The following DDX1 variants were observed in gnomAD, a reference collection of about 807,000 sequenced individuals.
The protein encoded by DDX1 is DEAD-box helicase 1, also known as ATP-dependent RNA helicase DDX1.
A neutral mutation model predicts 108.7 loss-of-function variants in DDX1; 28 were observed. The ratio of observed to expected loss-of-function variants is 0.26; its 90% CI spans 0.19 to 0.35. The LOEUF is 0.35. Among genes scored for constraint, DDX1 ranks in the 10% least tolerant of loss-of-function variants. The pLI is 1.00. For synonymous variants in DDX1, 295 were observed against 288.9 expected, an observed-to-expected ratio of 1.02 and a Z score of -0.21; for missense variants, 710 against 884.5, an observed-to-expected ratio of 0.80 and a Z score of 2.50.
chr2:15,604,985 G>A (rs1395235142), intron 10 of DDX1, among the ~76,000 whole-genome samples: 5 of 152,176 alleles, frequency 3.3e-5, no homozygotes, highest in African/African-American at 9.7e-5. Context: ...GAGTCACAGC[G>A]AGGAAGCCAC....
chr2:15,611,561 G>A (rs1357639432), intron 13 of DDX1, among the ~76,000 whole-genome samples: 2 of 135,190 alleles, frequency 1.5e-5, no homozygotes, highest in African/African-American at 2.9e-5. Context: ...CCGGGCGGGG[G>A]GCTGACCCCC....
intron 15 of DDX1, among the ~76,000 whole-genome samples, chr2:15,617,564 T>G (rs1048403051): frequency 6.6e-6 from 1 of 152,176 alleles, no homozygotes; most frequent in Admixed American, 6.5e-5. Context: ...AAATGTAATG[T>G]CATAAGTATT....
At chr2:15,601,780 C>T (rs1443402619) in intron 6 of DDX1, among the ~76,000 whole-genome samples, 5 of 152,188 alleles carry the variant, frequency 3.3e-5, no homozygotes, top group Admixed American at 3.3e-4. Context: ...TGTTGAGGTG[C>T]TTAACAGTTT....
intron 6 of DDX1, among the ~76,000 whole-genome samples, chr2:15,600,296 G>C (rs988956487): frequency 2.0e-5 from 3 of 152,186 alleles, no homozygotes; most frequent in African/African-American, 7.2e-5. Context: ...AGCCATCTGT[G>C]ATTGTTCCAT....
At chr2:15,608,442 G>A (rs10183860) in intron 13 of DDX1, among the ~76,000 whole-genome samples, 1 of 151,442 alleles carries the variant, frequency 6.6e-6, no homozygotes, top group Non-Finnish European at 1.5e-5. Flanking sequence ...CATGAGAATT[G>A]CTTGAACCCA....
intron 1 of DDX1, among the ~76,000 whole-genome samples, chr2:15,594,348 TTAAAA>T (rs1263912981): frequency 1.3e-5 from 2 of 152,172 alleles, no homozygotes; most frequent in African/African-American, 4.8e-5. Flanking sequence ...AAATACAGAC[TTAAAA>T]TAAAAATCAC....
intron 9 of DDX1, 120 bp from the exon 10 acceptor site, chr2:15,604,317 C>T: frequency 1.5e-6 from 1 of 685,408 alleles, no homozygotes; most frequent in Non-Finnish European, 2.5e-6. Flanking sequence ...GTCATATGCT[C>T]TAATAGGCAT....
At position 15,627,121 on chromosome 2, in the gene DDX1, A is replaced by G; in HGVS notation, c.1662A>G (p.Arg554=). 1.2e-6 allele frequency: 2 copies of G among 1,610,016 alleles called. No individual in the cohort carries two copies. Among genetic ancestry groups the G allele is most frequent in the Non-Finnish European group, 1.7e-6 (2 of 1,177,144 alleles). Residue 554 remains arginine (R), a synonymous_variant, in exon 20 of 26, where the codon AGA becomes AGG. Transcript: ENST00000233084. ...CLHGDRKPHE[R]KQNLERFKKG... is the part of the protein sequence containing the mutation. Reference sequence around the variant, plus strand: ...ATGGTGACAGAAAGCCTCATGAGAGAAAGCAAAACTTGGAAAGATTTAAGG... The same window carrying G: ...ATGGTGACAGAAAGCCTCATGAGAGGAAGCAAAACTTGGAAAGATTTAAGG...
chr2:15,629,594 A>G lies in DDX1; in HGVS notation c.1876-8A>G. ...TGCATGTTAATATTTTTTCCTTTTT[A>G]AATTTAGGTTTGGTACCATGTATGT... On this transcript the variant is annotated splice_region_variant and splice_polypyrimidine_tract_variant and intron_variant, in intron 23 of 25. Transcript: ENST00000233084. 6.3e-7 allele frequency: 1 copy of G among 1,580,586 alleles called. No homozygotes were observed. Among genetic ancestry groups the G allele is most frequent in the Non-Finnish European group, 8.6e-7 (1 of 1,167,694 alleles).
In DDX1 at chr2:15,630,808, G is replaced by T. The variant is rs779421358; in HGVS notation, c.2125G>T (p.Ala709Ser). Residue 709 changes from alanine (A) to serine (S), a missense_variant, in exon 26 of 26, where the codon GCA (alanine) becomes TCA (serine). By Grantham distance (99) the Ala-to-Ser change is moderately conservative. This residue lies in a region of DDX1 where 661 missense variants were observed against 810.2 expected (regional missense o/e 0.82). Transcript: ENST00000233084. ...GSYKGHVDIL[A>S]PTVQELAALE... is the part of the protein sequence containing the mutation. ...CTATAAAGGCCATGTGGATATTTTG[G>T]CACCTACTGTTCAAGAGTTGGCTGC... 10 of 1,613,906 alleles carry T rather than the reference G, an allele frequency of 6.2e-6. No individual in the cohort carries two copies. Among genetic ancestry groups the T allele is most frequent in the Non-Finnish European group, 6.8e-6 (8 of 1,179,834 alleles).
intron 7 of DDX1, 82 bp downstream of exon 7, chr2:15,602,713 G>A: frequency 8.9e-7 from 1 of 1,124,492 alleles, no homozygotes; most frequent in Non-Finnish European, 1.3e-6. Flanking sequence ...TTGTTTGTTT[G>A]TTTTTGAGAT....
Position 15,602,711 on chromosome 2 carries a change from T to C in DDX1, c.391+80T>C, listed in dbSNP as rs111675198. The stretch of plus-strand genomic sequence containing the variant: ...TGAGGGTTTTTTTGTTGTTGTTTGT[T>C]TGTTTTTGAGATGGAGTCTCGCACG... On this transcript the variant is annotated intron_variant, in intron 7 of 25. Coordinates refer to ENST00000233084, the MANE Select transcript of DDX1 (RefSeq NM_004939.3). 3.5e-4 allele frequency: 411 copies of C among 1,163,010 alleles called. 2 individuals carry two copies. Among genetic ancestry groups the C allele is most frequent in the Admixed American group, 3.3e-4 (18 of 54,646 alleles). 72.0% of individuals were successfully genotyped at this position (1,163,010 alleles called of 1,614,324 possible).
intron 1 of DDX1, 105 bp downstream of exon 1, chr2:15,592,054 G>C: frequency 9.2e-7 from 1 of 1,085,526 alleles, no homozygotes; most frequent in Non-Finnish European, 1.2e-6. Context: ...AGGGGTCAGG[G>C]AGACAGAAGG....
At chr2:15,603,704 C>T (rs1665621813) in intron 8 of DDX1, 110 bp from the exon 9 acceptor site, 1 of 726,996 alleles carries the variant, frequency 1.4e-6, no homozygotes, top group African/African-American at 1.8e-5. Flanking sequence ...GAATAGTTTT[C>T]CTGTGGGTTT....
At position 15,630,712 on chromosome 2, in the gene DDX1, G is replaced by A. The variant is rs1666176807; in HGVS notation, c.2093-64G>A. The A allele has an allele frequency of 2.6e-6, 4 of 1,552,892 alleles. No homozygotes were observed. In the East Asian group the frequency reaches 9.1e-5, roughly 35 times the overall value. On this transcript the variant is annotated intron_variant, in intron 25 of 25. Coordinates refer to ENST00000233084, the MANE Select transcript of DDX1 (RefSeq NM_004939.3). Reference sequence around the variant, plus strand: ...TTTAAAGTGATATAATTGAGCCAAAGTATTGCTGACAAGTTATTTCAAGCA... The same window carrying A: ...TTTAAAGTGATATAATTGAGCCAAAATATTGCTGACAAGTTATTTCAAGCA...
At position 15,620,411 on chromosome 2, in the gene DDX1, A is replaced by C. The variant is rs373647613; in HGVS notation, c.1395+15A>C. 5.6e-6 allele frequency: 9 copies of C among 1,594,214 alleles called. No homozygotes were observed. The Admixed American group carries it at 1.6e-4, about 29-fold the overall frequency. On this transcript the variant is annotated intron_variant, in intron 17 of 25. Coordinates refer to ENST00000233084, the MANE Select transcript of DDX1 (RefSeq NM_004939.3). ...GCCACATTAGAGTAAGTGGTTTATA[A>C]TATTAACATTTATGTAGAATAAAGC...
intron 7 of DDX1, 83 bp downstream of exon 7, chr2:15,602,714 T>G: frequency 9.0e-7 from 1 of 1,115,436 alleles, no homozygotes; most frequent in East Asian, 2.4e-5. Flanking sequence ...TGTTTGTTTG[T>G]TTTTGAGATG....
chr2:15,613,745 G>T (rs1393447766), intron 14 of DDX1, among the ~76,000 whole-genome samples: 1 of 152,100 alleles, frequency 6.6e-6, no homozygotes, highest in Non-Finnish European at 1.5e-5. Flanking sequence ...TGTGTAAGGG[G>T]AAGTCGCAAA....
At chr2:15,595,746 T>C (rs1665486757) in intron 3 of DDX1, among the ~76,000 whole-genome samples, 193 bp downstream of exon 3, 2 of 152,146 alleles carry the variant, frequency 1.3e-5, no homozygotes, top group Admixed American at 6.5e-5. Context: ...CAATAAGACA[T>C]GTATAAGAAT....
Sources: gnomAD v4.1 joint callset for allele counts (sites outside exome capture counted in the v4.1 genomes callset) on GRCh38, gnomAD v4.1.1 for gene constraint, gnomAD v4.1.1 regional missense constraint, MANE v1.5 for transcripts, NCBI Gene and HGNC (gene_info 2026-07-23, HGNC 2026-07-21) for gene names.